NRXN3: variants seen among roughly 807,000 people sequenced by gnomAD.
NRXN3 encodes neurexin III.
In NRXN3, 32 loss-of-function variants were observed where a neutral mutation model predicts 137.6. The observed-to-expected ratio is 0.23, with a 90% CI of 0.18 to 0.31. The LOEUF is 0.31. NRXN3 is among the 10% of genes least tolerant of loss of function. The pLI, the probability that NRXN3 is intolerant of heterozygous loss-of-function variation, is 1.00. For missense variants in NRXN3, 1,574 were observed against 2,062.5 expected (o/e 0.76, Z 4.59); for synonymous variants, 798 against 784.5 (o/e 1.02, Z -0.29).
At chr14:79,833,946 GACA>G (rs2099330014) in intron 20 of NRXN3, among the ~76,000 whole-genome samples, 4 of 152,118 alleles carry the variant, frequency 2.6e-5, no homozygotes, top group Admixed American at 2.6e-4. Flanking sequence ...ATCTGCAAGT[GACA>G]ACATCTTGTA....
At chr14:78,395,489 G>T (rs908807712) in intron 4 of NRXN3, among the ~76,000 whole-genome samples, 1 of 151,884 alleles carries the variant, frequency 6.6e-6, no homozygotes, top group African/African-American at 2.4e-5. Flanking sequence ...TTCTTTTACT[G>T]TTGGGTGGAG....
chr14:78,400,061 T>C (rs1231749172), intron 4 of NRXN3, among the ~76,000 whole-genome samples: 1 of 152,258 alleles, frequency 6.6e-6, no homozygotes, highest in Non-Finnish European at 1.5e-5. Context: ...TTTCTTTTTC[T>C]TTCAGTATTT....
At chr14:78,523,839 A>AC (rs2096330131) in intron 4 of NRXN3, among the ~76,000 whole-genome samples, 5 of 131,382 alleles carry the variant, frequency 3.8e-5, no homozygotes, top group South Asian at 2.5e-4. Flanking sequence ...AAAAAAAAAA[A>AC]AAAAAAGAAT....
At chr14:78,196,206 C>T (rs1032916140) in intron 1 of NRXN3, among the ~76,000 whole-genome samples, 30 of 152,328 alleles carry the variant, frequency 2.0e-4, no homozygotes, top group Middle Eastern at 3.4e-3. Flanking sequence ...CCATGTCTGG[C>T]GGTCATGAGG....
intron 15 of NRXN3, among the ~76,000 whole-genome samples, chr14:79,186,161 T>C (rs1054032098): frequency 1.3e-5 from 2 of 152,182 alleles, no homozygotes; most frequent in Non-Finnish European, 2.9e-5. Flanking sequence ...CAGTAAATTA[T>C]AGCCATTCTA....
intron 4 of NRXN3, among the ~76,000 whole-genome samples, chr14:78,515,144 G>C (rs969852438): frequency 1.3e-5 from 2 of 152,100 alleles, no homozygotes; most frequent in Non-Finnish European, 2.9e-5. Context: ...AAAAGATGAA[G>C]GGCTTTTTTA....
chr14:79,865,928 C>A lies in NRXN3; in HGVS notation c.*3964C>A, dbSNP rs2099417934. On this transcript the variant is annotated 3_prime_UTR_variant, in exon 21 of 21. Coordinates refer to ENST00000335750, the MANE Select transcript of NRXN3 (RefSeq NM_001330195.2). ...GCTGGGATTATAGGTGTGAGCCACT[C>A]CTCCTGAAATCTTTCTAAATCTCAC... The A allele has an allele frequency of 6.6e-6, 1 of 152,126 alleles. No individual in the cohort carries two copies. The highest frequency in any genetic ancestry group is 2.1e-4 in the South Asian group (1 of 4,822). The allele number at this position is 152,126 out of a possible 1,614,324, so 9.4% of individuals were successfully genotyped here.
chr14:78,361,192 G>C (rs1294050539), intron 4 of NRXN3, among the ~76,000 whole-genome samples: 1 of 152,178 alleles, frequency 6.6e-6, no homozygotes, highest in Non-Finnish European at 1.5e-5. Flanking sequence ...AATACCAGTA[G>C]CATCCAGGTC....
chr14:78,210,063 A>G (rs571391764), intron 1 of NRXN3, among the ~76,000 whole-genome samples: 2 of 152,344 alleles, frequency 1.3e-5, no homozygotes, highest in South Asian at 4.1e-4. Flanking sequence ...TATTTATTGA[A>G]TGAATGAATC....
At chr14:78,728,097 T>G (rs2098495241) in intron 8 of NRXN3, among the ~76,000 whole-genome samples, 1 of 152,252 alleles carries the variant, frequency 6.6e-6, no homozygotes, top group Non-Finnish European at 1.5e-5. Flanking sequence ...TTTGAATCCT[T>G]GATGAGATCT....
intron 15 of NRXN3, among the ~76,000 whole-genome samples, chr14:79,256,240 T>C (rs569916640): frequency 1.3e-5 from 2 of 152,148 alleles, no homozygotes; most frequent in East Asian, 1.9e-4. Flanking sequence ...CTTAAAGGAA[T>C]GCTGTGAGGA....
At chr14:79,234,322 A>ATAT (rs1568714542) in intron 15 of NRXN3, among the ~76,000 whole-genome samples, 2 of 111,810 alleles carry the variant, frequency 1.8e-5, no homozygotes, top group Admixed American at 1.7e-4. Context: ...ATATATATAT[A>ATAT]TATATATATA....
intron 15 of NRXN3, among the ~76,000 whole-genome samples, chr14:79,161,856 C>T (rs1047115981): frequency 4.6e-5 from 7 of 151,812 alleles, no homozygotes; most frequent in Non-Finnish European, 8.8e-5. Context: ...CCCCTGCCTG[C>T]ACTGACTTTA....
chr14:78,345,127 G>A (rs559834328), intron 4 of NRXN3, among the ~76,000 whole-genome samples: 2 of 152,318 alleles, frequency 1.3e-5, no homozygotes, highest in East Asian at 1.9e-4. Flanking sequence ...ACATGTGTGT[G>A]CCTGTGTGTG....
At chr14:78,887,159 A>C (rs1212033585) in intron 10 of NRXN3, among the ~76,000 whole-genome samples, 1 of 152,128 alleles carries the variant, frequency 6.6e-6, no homozygotes, top group Non-Finnish European at 1.5e-5. Context: ...TAGAACTATT[A>C]TTTCTTTTAC....
rs74066426 is a variant in NRXN3 at position 78,742,460 on chromosome 14, G to A, written c.2044+27321G>A. 3.6e-3 allele frequency among the ~76,000 whole-genome samples: 544 copies of A among 152,322 alleles called. 5 individuals carry two copies. Among genetic ancestry groups the A allele is most frequent in the African/African-American group, 0.013 (525 of 41,570 alleles). Reference sequence around the variant, plus strand: ...TGATTATAAATAAGAAAGGGAATAAGCCATATCAATTGCTGCATGTATATT... The same window carrying A: ...TGATTATAAATAAGAAAGGGAATAAACCATATCAATTGCTGCATGTATATT... On this transcript the variant is annotated intron_variant, in intron 8 of 20. Coordinates refer to ENST00000335750, the MANE Select transcript of NRXN3 (RefSeq NM_001330195.2).
chr14:79,617,930 A>AG lies in NRXN3; in HGVS notation c.3445-45848_3445-45847insG, dbSNP rs1555565718. Among the ~76,000 whole-genome samples, 5 of 148,734 alleles carry AG rather than the reference A, an allele frequency of 3.4e-5. 1 individual carries two copies. The highest frequency in any genetic ancestry group is 1.3e-4 in the African/African-American group (5 of 38,550). On this transcript the variant is annotated intron_variant, in intron 16 of 20. Coordinates refer to ENST00000335750, the MANE Select transcript of NRXN3 (RefSeq NM_001330195.2). ...GCTGAATAGCAGCAAAAAAAAAAAA[A>AG]AACATGCTTATGAAGAGCTGCCTAG...
At chr14:78,224,469 C>A (rs568800265) in intron 1 of NRXN3, among the ~76,000 whole-genome samples, 10 of 152,050 alleles carry the variant, frequency 6.6e-5, no homozygotes, top group African/African-American at 2.4e-4. Context: ...TGTTCCCCTT[C>A]CTGTGCCCAT....
At chr14:79,145,115 G>A (rs188578051) in intron 15 of NRXN3, among the ~76,000 whole-genome samples, 66 of 152,150 alleles carry the variant, frequency 4.3e-4, no homozygotes, top group South Asian at 1.0e-3. Context: ...ATCAAGGGGC[G>A]CGATTTTAGA....
Sources: allele counts gnomAD v4.1 joint callset (sites outside exome capture counted in the v4.1 genomes callset), GRCh38; gene constraint gnomAD v4.1.1; transcripts MANE v1.5; gene names NCBI Gene and HGNC (gene_info 2026-07-23, HGNC 2026-07-21).